Variants in MAGI2 observed in about 807,000 individuals in gnomAD.
The protein encoded by MAGI2 is membrane associated guanylate kinase, WW and PDZ domain containing 2, also known as membrane-associated guanylate kinase, WW and PDZ domain-containing protein 2.
In MAGI2, 35 loss-of-function variants were observed where a neutral mutation model predicts 133.3. The observed-to-expected ratio is 0.26, with a 90% CI of 0.20 to 0.35. The LOEUF (loss-of-function observed/expected upper bound fraction) is 0.35, where lower values mean the gene tolerates loss of function less well. Ranked by LOEUF, MAGI2 falls within the 10% of genes least tolerant of loss-of-function variation. The pLI, the probability that MAGI2 is intolerant of heterozygous loss-of-function variation, is 1.00. For missense variants in MAGI2, 1,636 were observed against 1,863.4 expected (o/e 0.88, Z 2.25); for synonymous variants, 729 against 710.6 (o/e 1.03, Z -0.41).
At chr7:78,168,353 A>C (rs541862505) in intron 14 of MAGI2, among the ~76,000 whole-genome samples, 2 of 152,258 alleles carry the variant, frequency 1.3e-5, no homozygotes, top group East Asian at 1.9e-4. Context: ...TGCACTTGTA[A>C]AGTAAAAAAT....
chr7:79,007,476 T>C (rs1163213692), intron 1 of MAGI2, among the ~76,000 whole-genome samples: 1 of 152,204 alleles, frequency 6.6e-6, no homozygotes, highest in Non-Finnish European at 1.5e-5. Flanking sequence ...TGGTAAAAGA[T>C]ATGTTACTCT....
intron 2 of MAGI2, among the ~76,000 whole-genome samples, chr7:78,829,540 G>A (rs1206917993): frequency 2.0e-5 from 3 of 151,810 alleles, no homozygotes; most frequent in African/African-American, 4.8e-5. Context: ...ATTTATATAT[G>A]TATACTAAAT....
chr7:79,202,576 G>A (rs1313274366), intron 1 of MAGI2, among the ~76,000 whole-genome samples: 1 of 151,886 alleles, frequency 6.6e-6, no homozygotes, highest in Non-Finnish European at 1.5e-5. Flanking sequence ...ATACTATATT[G>A]TGCTGTTTCA....
At chr7:78,282,404 A>G (rs1795703669) in intron 9 of MAGI2, among the ~76,000 whole-genome samples, 1 of 152,112 alleles carries the variant, frequency 6.6e-6, no homozygotes, top group Non-Finnish European at 1.5e-5. Flanking sequence ...TTGCAAATAA[A>G]GTTTTATTGG....
chr7:78,892,483 T>C (rs1294034913), intron 2 of MAGI2, among the ~76,000 whole-genome samples: 3 of 151,886 alleles, frequency 2.0e-5, no homozygotes, highest in Non-Finnish European at 4.4e-5. Context: ...CAAACTATAC[T>C]ACAAGGCTAC....
intron 9 of MAGI2, among the ~76,000 whole-genome samples, chr7:78,295,385 CTG>C (rs1350395015): frequency 6.6e-6 from 1 of 152,146 alleles, no homozygotes; most frequent in Non-Finnish European, 1.5e-5. Context: ...GGAGAATAAA[CTG>C]TAAATTTGTG....
At chr7:78,293,638 G>A (rs866523148) in intron 9 of MAGI2, among the ~76,000 whole-genome samples, 75 of 152,192 alleles carry the variant, frequency 4.9e-4, no homozygotes, top group African/African-American at 1.7e-3. Context: ...ATGCCCACGT[G>A]TGTTTATTGT....
At chr7:78,905,366 A>T (rs747357636) in intron 2 of MAGI2, among the ~76,000 whole-genome samples, 4 of 152,184 alleles carry the variant, frequency 2.6e-5, no homozygotes, top group Non-Finnish European at 5.9e-5. Flanking sequence ...TTAAATTAGT[A>T]ATCAGTTGCT....
intron 1 of MAGI2, among the ~76,000 whole-genome samples, chr7:79,391,165 A>C (rs1458378380): frequency 3.9e-5 from 6 of 152,198 alleles, no homozygotes; most frequent in Non-Finnish European, 5.9e-5. Context: ...ACATGAATGA[A>C]GATAACAAAT....
At chr7:78,525,802 A>G (rs1796898154) in intron 3 of MAGI2, among the ~76,000 whole-genome samples, 1 of 152,234 alleles carries the variant, frequency 6.6e-6, no homozygotes, top group Non-Finnish European at 1.5e-5. Flanking sequence ...AACTATAACT[A>G]TTACTACTGT....
At chr7:79,205,734 G>A (rs1023501124) in intron 1 of MAGI2, among the ~76,000 whole-genome samples, 3 of 150,144 alleles carry the variant, frequency 2.0e-5, no homozygotes, top group African/African-American at 5.0e-5. Context: ...TTGGTGGCAA[G>A]AGTGGAGGAA....
chr7:78,706,606 A>G (rs573790946), intron 2 of MAGI2, among the ~76,000 whole-genome samples: 2 of 152,150 alleles, frequency 1.3e-5, no homozygotes, highest in African/African-American at 2.4e-5. Context: ...TACATAATTT[A>G]TATTAACTTT....
chr7:78,032,364 G>T (rs931016142), intron 21 of MAGI2, among the ~76,000 whole-genome samples: 1 of 151,922 alleles, frequency 6.6e-6, no homozygotes, highest in Non-Finnish European at 1.5e-5. Flanking sequence ...ACAGGTATGC[G>T]CCAACACACC....
At chr7:79,409,123 GA>G (rs941632141) in intron 1 of MAGI2, among the ~76,000 whole-genome samples, 1 of 151,878 alleles carries the variant, frequency 6.6e-6, no homozygotes, top group Non-Finnish European at 1.5e-5. Flanking sequence ...TACCTGAGGG[GA>G]AAAAATAAAT....
At chr7:78,936,466 T>C (rs534892936) in intron 2 of MAGI2, among the ~76,000 whole-genome samples, 4 of 151,848 alleles carry the variant, frequency 2.6e-5, no homozygotes, top group Non-Finnish European at 5.9e-5. Flanking sequence ...CGTTGTAAAA[T>C]GAAAAATAAG....
At chr7:78,421,258 A>C (rs1001693635) in intron 6 of MAGI2, among the ~76,000 whole-genome samples, 1 of 152,210 alleles carries the variant, frequency 6.6e-6, no homozygotes, top group East Asian at 1.9e-4. Context: ...AAACAGGGTC[A>C]GTGCCACTGA....
At chr7:78,884,274 T>G (rs1477683947) in intron 2 of MAGI2, among the ~76,000 whole-genome samples, 2 of 152,104 alleles carry the variant, frequency 1.3e-5, no homozygotes, top group African/African-American at 4.8e-5. Context: ...GCCCAGGACT[T>G]CAAGACCAGC....
intron 10 of MAGI2, among the ~76,000 whole-genome samples, chr7:78,215,112 A>C (rs1788137301): frequency 6.6e-6 from 1 of 152,174 alleles, no homozygotes; most frequent in African/African-American, 2.4e-5. Flanking sequence ...CCCTGAGAGG[A>C]GGACTTGGGT....
intron 20 of MAGI2, among the ~76,000 whole-genome samples, chr7:78,115,905 G>A (rs1016872060): frequency 4.6e-5 from 7 of 152,136 alleles, no homozygotes; most frequent in African/African-American, 1.7e-4. Context: ...GTATTTAATA[G>A]ATCAAATAGA....
Sources: allele counts gnomAD v4.1 joint callset (sites outside exome capture counted in the v4.1 genomes callset), GRCh38; gene constraint gnomAD v4.1.1; transcripts MANE v1.5; gene names NCBI Gene and HGNC (gene_info 2026-07-23, HGNC 2026-07-21).